The following ADGRL1 variants were observed in gnomAD, a reference collection of about 807,000 sequenced individuals.
The protein encoded by ADGRL1 is adhesion G protein-coupled receptor L1, also known as CIRL-1.
A neutral mutation model predicts 148.9 loss-of-function variants in ADGRL1; 31 were observed. That is an observed-to-expected ratio of 0.21 (90% CI 0.16 to 0.28). ADGRL1 has a LOEUF of 0.28. ADGRL1 is among the 10% of genes least tolerant of loss of function. ADGRL1 has a pLI of 1.00. For missense variants in ADGRL1, 1,521 were observed against 2,058.8 expected, an observed-to-expected ratio of 0.74 and a Z score of 5.05; for synonymous variants, 937 against 900.3, an observed-to-expected ratio of 1.04 and a Z score of -0.73.
At chr19:14,177,129 G>A (rs1455902037) in intron 3 of ADGRL1, among the ~76,000 whole-genome samples, 1 of 152,170 alleles carries the variant, frequency 6.6e-6, no homozygotes, top group Non-Finnish European at 1.5e-5. Context: ...TACTTGGGAG[G>A]CTGAGGCAGA....
chr19:14,177,726 A>G lies in ADGRL1; in HGVS notation c.89T>C (p.Leu30Pro). The change falls in exon 3 of 23, where the codon CTC (leucine) becomes CCC (proline). Residue 30 changes from leucine to proline, a missense_variant. Transcript: ENST00000361434. Reference sequence around the variant, plus strand: ...CTCCCGGCGCATCAGCCCGAACGGGAGCCCGGCCCGGCTCAGGCCTGCAGG... The same window carrying G: ...CTCCCGGCGCATCAGCCCGAACGGGGGCCCGGCCCGGCTCAGGCCTGCAGG... Reference protein sequence around the residue: ...SATQGLSRAGLPFGLMRRELA... With the variant: ...SATQGLSRAGPPFGLMRRELA... 1.2e-6 allele frequency: 2 copies of G among 1,612,280 alleles called. No homozygotes were observed. The highest frequency in any genetic ancestry group is 1.7e-6 in the Non-Finnish European group (2 of 1,179,670).
At position 14,152,007 on chromosome 19, in the gene ADGRL1, G is replaced by C. The variant is rs1200014810; in HGVS notation, c.3667+126C>G. 2.3e-6 allele frequency: 2 copies of C among 870,328 alleles called. No homozygotes were observed. The highest frequency in any genetic ancestry group is 1.7e-5 in the African/African-American group (1 of 60,422). 53.9% of individuals were successfully genotyped at this position (870,328 alleles called of 1,614,324 possible). ...TCGGCTGCCAGAGGCTGTGTGTCGG[G>C]GGGTGGGGAAATGTGGGCATGGGGA... On this transcript the variant is annotated intron_variant, in intron 22 of 22. Transcript: ENST00000361434. The surrounding 1 kb of genome is among the most constrained non-coding windows in gnomAD (Gnocchi z 6.1).
intron 1 of ADGRL1, among the ~76,000 whole-genome samples, chr19:14,189,570 C>T (rs1460446272): frequency 6.6e-6 from 1 of 152,158 alleles, no homozygotes; most frequent in Non-Finnish European, 1.5e-5. Flanking sequence ...GCCACGTTTC[C>T]AAGGCTCACC....
intron 1 of ADGRL1, among the ~76,000 whole-genome samples, chr19:14,187,368 G>T (rs1326275734): frequency 1.3e-5 from 2 of 151,988 alleles, no homozygotes; most frequent in African/African-American, 4.8e-5. Context: ...ATCGGCACAG[G>T]CCCTCAATAA....
intron 3 of ADGRL1, among the ~76,000 whole-genome samples, chr19:14,174,415 A>T (rs1206597844): frequency 2.0e-5 from 3 of 152,012 alleles, no homozygotes; most frequent in Non-Finnish European, 4.4e-5. Flanking sequence ...GGAGATGATG[A>T]GGTGCCTCCA....
At position 14,173,943 on chromosome 19, in the gene ADGRL1, C is replaced by CAAAA. The variant is rs774211423; in HGVS notation, c.285-3156_285-3153dup. Among the ~76,000 whole-genome samples, 244 of 32,966 alleles carry CAAAA rather than the reference C, an allele frequency of 7.4e-3. 7 individuals are homozygous for CAAAA. The highest frequency in any genetic ancestry group is 0.027 in the African/African-American group (235 of 8,688). The allele number at this position is 32,966 out of a possible 152,430, so 21.6% of individuals were successfully genotyped here. ...CCTGGGGGAGAGCAAGACTCCGTCTCAAAAAAAAAAAAAAAAAAAAAAAAA... is the reference window on the plus strand; with the variant it reads ...CCTGGGGGAGAGCAAGACTCCGTCTCAAAAAAAAAAAAAAAAAAAAAAAAAAAAA... On this transcript the variant is annotated intron_variant, in intron 3 of 22. Transcript: ENST00000361434.
intron 3 of ADGRL1, among the ~76,000 whole-genome samples, chr19:14,175,950 A>C (rs1970794491): frequency 6.6e-6 from 1 of 152,154 alleles, no homozygotes. Flanking sequence ...GCTACTCGGG[A>C]GGCTGAGGCG....
chr19:14,151,259 GC>G lies in ADGRL1; in HGVS notation c.4023del (p.Arg1343GlyfsTer185). On this transcript the variant is annotated frameshift_variant, in exon 23 of 23. Coordinates refer to ENST00000361434, the MANE Select transcript of ADGRL1 (RefSeq NM_014921.5). LOFTEE classifies it high-confidence loss of function. ...TGGTACAGCACCGACTGGGCCCGGGGCAGCAGCAGAGGCTCCTCCAGGGCCT... is the reference window on the plus strand; with the variant it reads ...TGGTACAGCACCGACTGGGCCCGGGGAGCAGCAGAGGCTCCTCCAGGGCCT... The part of the protein sequence containing the change: ...LYKALEEPLL[L>X]PRAQSVLYQS... The G allele has an allele frequency of 6.2e-7, 1 of 1,612,112 alleles. No individual in the cohort carries two copies. Among genetic ancestry groups the G allele is most frequent in the Non-Finnish European group, 8.5e-7 (1 of 1,179,720 alleles).
At chr19:14,158,971 C>T (rs1200699947) in intron 11 of ADGRL1, 119 bp downstream of exon 11, 2 of 1,283,566 alleles carry the variant, frequency 1.6e-6, no homozygotes, top group African/African-American at 3.0e-5. Context: ...AAATTTTACA[C>T]TAGCATGAGA....
intron 3 of ADGRL1, chr19:14,171,072 T>C (rs1970431942): frequency 3.0e-6 from 1 of 331,006 alleles, no homozygotes; most frequent in Non-Finnish European, 5.8e-6. Context: ...TGTTGAGATC[T>C]GGTTGTTTAA....
chr19:14,162,645 G>A lies in ADGRL1; in HGVS notation c.1156C>T (p.Arg386Cys), dbSNP rs138963845. Residue 386 changes from arginine to cysteine, a missense_variant, in exon 5 of 23, where the codon CGC (arginine) becomes TGC (cysteine). By Grantham distance (180) the Arg-to-Cys change is radical (BLOSUM62 -3). Around this residue, in one of 8 missense-constraint regions of ADGRL1, gnomAD observed 270 missense variants for 320.4 expected, o/e 0.84. Transcript: ENST00000361434. The surrounding 1 kb of genome is among the most constrained non-coding windows in gnomAD (Gnocchi z 5.4). ...GGCGGCCCGAACTCCAGGCTGTAGC[G>A]CACCACGAAATAGTTGTTCCAGACG... Reference protein sequence around the residue: ...LYVWNNYFVVRYSLEFGPPDP... With the variant: ...LYVWNNYFVVCYSLEFGPPDP... 20 of 1,612,952 alleles carry A rather than the reference G, an allele frequency of 1.2e-5. No homozygotes were observed. Among genetic ancestry groups the A allele is most frequent in the Non-Finnish European group, 1.4e-5 (17 of 1,179,208 alleles).
At position 14,159,163 on chromosome 19, in the gene ADGRL1, G is replaced by T; in HGVS notation, c.2076C>A (p.Phe692Leu). Residue 692 changes from phenylalanine (F) to leucine (L), a missense_variant, in exon 11 of 23, where the codon TTC (phenylalanine) becomes TTA (leucine). By Grantham distance (22) the Phe-to-Leu change is conservative. Around this residue, in one of 8 missense-constraint regions of ADGRL1, gnomAD observed 265 missense variants for 431.9 expected, o/e 0.61. Transcript: ENST00000361434. This position sits in a 1 kb window ranked among gnomAD's most constrained non-coding sequence, Gnocchi z 6.0. Reference protein sequence around the residue: ...NTEGQVQELVFPQEEYPRKNS... With the variant: ...NTEGQVQELVLPQEEYPRKNS... Reference sequence around the variant, plus strand: ...TCTTTCTCGGGTACTCCTCCTGGGGGAACACCAGCTCCTGCACCTGGCCCT... The same window carrying T: ...TCTTTCTCGGGTACTCCTCCTGGGGTAACACCAGCTCCTGCACCTGGCCCT... 6.2e-7 allele frequency: 1 copy of T among 1,614,130 alleles called. No individual in the cohort carries two copies.
chr19:14,180,421 A>T (rs1163098465), intron 2 of ADGRL1, among the ~76,000 whole-genome samples: 2 of 151,480 alleles, frequency 1.3e-5, no homozygotes, highest in Non-Finnish European at 2.9e-5. Flanking sequence ...ACACCCCACT[A>T]ATTTTTGTAT....
intron 3 of ADGRL1, among the ~76,000 whole-genome samples, chr19:14,171,616 G>A (rs1350433135): frequency 6.6e-6 from 1 of 152,208 alleles, no homozygotes; most frequent in Non-Finnish European, 1.5e-5. Context: ...TACGATCAAT[G>A]AAATGTTCAG....
rs555269671 is a variant in ADGRL1 at position 14,161,089 on chromosome 19, G to A, written c.1510+223C>T. ...GGCTGTGGCAGGTCAGCCTGAGGCC[G>A]GGAGCCAGGTCACCTCCTGCGGACT... On this transcript the variant is annotated intron_variant, in intron 6 of 22. Coordinates refer to ENST00000361434, the MANE Select transcript of ADGRL1 (RefSeq NM_014921.5). The surrounding 1 kb of genome is among the most constrained non-coding windows in gnomAD (Gnocchi z 4.4). Among the ~76,000 whole-genome samples the A allele has an allele frequency of 5.5e-4, 84 of 152,074 alleles. No individual in the cohort carries two copies. Among genetic ancestry groups the A allele is most frequent in the African/African-American group, 1.9e-3 (79 of 41,474 alleles).
chr19:14,185,179 G>A (rs770665444), intron 1 of ADGRL1, among the ~76,000 whole-genome samples: 13 of 152,092 alleles, frequency 8.5e-5, no homozygotes, highest in Non-Finnish European at 1.6e-4. Context: ...AGGCTTGCAC[G>A]CTCAAATGTC....
Position 14,160,247 on chromosome 19 carries a change from G to A in ADGRL1, c.1665C>T (p.His555=). ...CCCCCGCGTAGATGGAGCCCCGGGT[G>A]TGTCGGGCCAGCTCGCTGGCGATGT... is the stretch of plus-strand genomic sequence containing the variant. ...AANIASELAR[H]TRGSIYAGDV... Residue 555 remains histidine (H), a synonymous_variant, in exon 8 of 23, where the codon CAC becomes CAT. Coordinates refer to ENST00000361434, the MANE Select transcript of ADGRL1 (RefSeq NM_014921.5). The surrounding 1 kb of genome is among the most constrained non-coding windows in gnomAD (Gnocchi z 5.9). 6.3e-7 allele frequency: 1 copy of A among 1,596,758 alleles called. No homozygotes were observed. Among genetic ancestry groups the A allele is most frequent in the South Asian group, 1.1e-5 (1 of 90,752 alleles).
Position 14,150,562 on chromosome 19 carries a change from G to C in ADGRL1, c.*311C>G, listed in dbSNP as rs1372311082. On this transcript the variant is annotated 3_prime_UTR_variant, in exon 23 of 23. Transcript: ENST00000361434. ...GGGTAGAAGGGTGGGAGAGGGGAGA[G>C]TCTGGAAGTGGGCTGCACCCTTCCA... 2 of 377,924 alleles carry C rather than the reference G, an allele frequency of 5.3e-6. No homozygotes were observed. The highest frequency in any genetic ancestry group is 4.6e-5 in the East Asian group (1 of 21,884). 23.4% of individuals were successfully genotyped at this position (377,924 alleles called of 1,614,324 possible).
intron 4 of ADGRL1, among the ~76,000 whole-genome samples, chr19:14,163,608 G>A (rs1386114109): frequency 6.6e-6 from 1 of 152,084 alleles, no homozygotes; most frequent in Non-Finnish European, 1.5e-5. Context: ...GGGGTTTCCG[G>A]GCTGGGACCC....
Sources: allele counts gnomAD v4.1 joint callset (sites outside exome capture counted in the v4.1 genomes callset), GRCh38; gene constraint gnomAD v4.1.1; regional missense constraint gnomAD v4.1.1; non-coding constraint Gnocchi (gnomAD v3.1); transcripts MANE v1.5; gene names NCBI Gene and HGNC (gene_info 2026-07-23, HGNC 2026-07-21).